The following MAGI2 variants were observed in gnomAD, a reference collection of about 807,000 sequenced individuals.
MAGI2 encodes the protein membrane associated guanylate kinase, WW and PDZ domain containing 2, also known as membrane-associated guanylate kinase, WW and PDZ domain-containing protein 2.
MAGI2 carries 35 observed loss-of-function variants against 133.3 expected under a neutral mutation model. That is an observed-to-expected ratio of 0.26 (90% CI 0.20 to 0.35). The LOEUF is 0.35. Among genes scored for constraint, MAGI2 ranks in the 10% least tolerant of loss-of-function variants. The pLI, the probability that MAGI2 is intolerant of heterozygous loss-of-function variation, is 1.00. For missense variants in MAGI2, 1,636 were observed against 1,863.4 expected, an observed-to-expected ratio of 0.88 and a Z score of 2.25; for synonymous variants, 729 against 710.6, an observed-to-expected ratio of 1.03 and a Z score of -0.41.
intron 20 of MAGI2, among the ~76,000 whole-genome samples, chr7:78,116,806 A>G (rs956113603): frequency 6.6e-6 from 1 of 152,152 alleles, no homozygotes; most frequent in Admixed American, 6.6e-5. Context: ...TGAGCTCAGG[A>G]GGTTGATGCT....
At chr7:78,122,316 A>G (rs1820550601) in intron 20 of MAGI2, among the ~76,000 whole-genome samples, 1 of 152,326 alleles carries the variant, frequency 6.6e-6, no homozygotes, top group East Asian at 1.9e-4. Context: ...ATGCTTTTGT[A>G]TTGACTAGTT....
At chr7:79,175,361 C>G (rs1179001037) in intron 1 of MAGI2, among the ~76,000 whole-genome samples, 1 of 151,788 alleles carries the variant, frequency 6.6e-6, no homozygotes, top group Non-Finnish European at 1.5e-5. Flanking sequence ...AAAGGCAATT[C>G]AGTTTATTTT....
chr7:78,454,266 C>T (rs111356641), intron 6 of MAGI2, among the ~76,000 whole-genome samples: 21 of 152,208 alleles, frequency 1.4e-4, no homozygotes, highest in East Asian at 3.9e-4. Flanking sequence ...TTTGATACAT[C>T]GAGCTTATGA....
intron 2 of MAGI2, among the ~76,000 whole-genome samples, chr7:78,900,400 G>C (rs61566348): frequency 0.099 from 15,018 of 152,038 alleles, 788 homozygotes; most frequent in East Asian, 0.24. Context: ...CTTCCTCTCT[G>C]ACTTAATTCA....
At chr7:78,910,302 T>C (rs1798313629) in intron 2 of MAGI2, among the ~76,000 whole-genome samples, 1 of 150,026 alleles carries the variant, frequency 6.7e-6, no homozygotes, top group Non-Finnish European at 1.5e-5. Context: ...GAATTGTAAA[T>C]TATAACCAAG....
chr7:78,072,728 T>A, intron 21 of MAGI2: 1 of 395,864 alleles, frequency 2.5e-6, no homozygotes, highest in East Asian at 3.6e-5. Context: ...TCGCCCAGGC[T>A]GGTGTGCAGT....
rs1788305594 is a variant in MAGI2 at position 78,447,760 on chromosome 7, G to C, written c.1045+42001C>G. ...TACAAAGCTTTTGCCATTCTGGCAG[G>C]TACCTAAAGCCAACAGCCTGGGGAA... On this transcript the variant is annotated intron_variant, in intron 6 of 21. Transcript: ENST00000354212. Among the ~76,000 whole-genome samples, 3 of 152,304 alleles carry C rather than the reference G, an allele frequency of 2.0e-5. No homozygotes were observed. The South Asian group carries it at 6.2e-4, about 32-fold the overall frequency.
chr7:78,695,089 G>A (rs1051523792), intron 2 of MAGI2, among the ~76,000 whole-genome samples: 1 of 152,232 alleles, frequency 6.6e-6, no homozygotes, highest in African/African-American at 2.4e-5. Flanking sequence ...GCTGGGCGTG[G>A]TGGCGGGTGC....
chr7:78,232,497 C>T (rs1260194790), intron 10 of MAGI2, among the ~76,000 whole-genome samples: 4 of 152,150 alleles, frequency 2.6e-5, no homozygotes, highest in Admixed American at 6.6e-5. Flanking sequence ...TCTTAACAAT[C>T]GGAGATTCGG....
intron 21 of MAGI2, among the ~76,000 whole-genome samples, chr7:78,054,762 C>T (rs568838193): frequency 7.2e-5 from 11 of 152,094 alleles, no homozygotes; most frequent in Middle Eastern, 3.4e-3. Context: ...TGGGCTCAAG[C>T]GTTCCTCAAC....
intron 2 of MAGI2, among the ~76,000 whole-genome samples, chr7:78,693,771 G>T (rs10239001): frequency 6.6e-6 from 1 of 151,738 alleles, no homozygotes; most frequent in Non-Finnish European, 1.5e-5. Context: ...TCCACCTTAT[G>T]TTAGTAGTTC....
chr7:78,798,740 A>G (rs1787822759), intron 2 of MAGI2, among the ~76,000 whole-genome samples: 1 of 152,080 alleles, frequency 6.6e-6, no homozygotes, highest in Non-Finnish European at 1.5e-5. Context: ...TTTCTCTCTG[A>G]GCTATACCCA....
At chr7:78,427,335 C>G (rs182429722) in intron 6 of MAGI2, among the ~76,000 whole-genome samples, 134 of 151,902 alleles carry the variant, frequency 8.8e-4, no homozygotes, top group African/African-American at 3.2e-3. Context: ...CAATTATATG[C>G]TGAGTATAAG....
intron 1 of MAGI2, among the ~76,000 whole-genome samples, chr7:79,447,156 TGTCA>T (rs1424745350): frequency 6.6e-6 from 1 of 152,200 alleles, no homozygotes; most frequent in Non-Finnish European, 1.5e-5. Flanking sequence ...TTGACAAAGA[TGTCA>T]GTAAGACGTA....
intron 2 of MAGI2, among the ~76,000 whole-genome samples, chr7:78,804,748 C>CAAAAAAAAAAAAA (rs373472835): frequency 2.9e-4 from 28 of 97,728 alleles, no homozygotes; most frequent in African/African-American, 1.3e-3. Context: ...GACTCTGTCT[C>CAAAAAAAAAAAAA]AAAAAAAAAA....
intron 2 of MAGI2, among the ~76,000 whole-genome samples, chr7:78,901,945 T>C (rs750547337): frequency 1.9e-4 from 29 of 152,160 alleles, no homozygotes; most frequent in Non-Finnish European, 1.0e-4. Context: ...TAATTTCTTT[T>C]ACATCCCAGC....
At chr7:78,425,404 C>A (rs2151418682) in intron 6 of MAGI2, among the ~76,000 whole-genome samples, 1 of 152,212 alleles carries the variant, frequency 6.6e-6, no homozygotes, top group East Asian at 1.9e-4. Flanking sequence ...AGCATGAAAA[C>A]AGACTAATAC....
intron 1 of MAGI2, among the ~76,000 whole-genome samples, chr7:79,407,089 A>G (rs1191595262): frequency 6.6e-6 from 1 of 152,174 alleles, no homozygotes; most frequent in Non-Finnish European, 1.5e-5. Context: ...ACATTTTACT[A>G]ATAAGAACAG....
In MAGI2 at chr7:78,017,612, C is replaced by T. The variant is rs987141882; in HGVS notation, c.*1703G>A. 6 of 152,628 alleles carry T rather than the reference C, an allele frequency of 3.9e-5. No individual in the cohort carries two copies. Among genetic ancestry groups the T allele is most frequent in the Admixed American group, 1.3e-4 (2 of 15,284 alleles). The allele number at this position is 152,628 out of a possible 1,614,324, so 9.5% of individuals were successfully genotyped here. On this transcript the variant is annotated 3_prime_UTR_variant, in exon 22 of 22. Coordinates refer to ENST00000354212, the MANE Select transcript of MAGI2 (RefSeq NM_012301.4). ...CTACAAGTGTTTGTGCTTTTGTTTA[C>T]GATGAATGGGTTTCATTTTTGGAAA...
Sources: allele counts gnomAD v4.1 joint callset (sites outside exome capture counted in the v4.1 genomes callset), GRCh38; gene constraint gnomAD v4.1.1; transcripts MANE v1.5; gene names NCBI Gene and HGNC (gene_info 2026-07-23, HGNC 2026-07-21).